Variants in DGKB observed in about 807,000 individuals in gnomAD.
DGKB encodes diacylglycerol kinase beta, also known as 90 kDa diacylglycerol kinase.
Under a neutral mutation model 114.3 loss-of-function variants are expected in DGKB, and 67 were observed. That is an observed-to-expected ratio of 0.59 (90% CI 0.48 to 0.72). The LOEUF (loss-of-function observed/expected upper bound fraction) is 0.72. DGKB is among the 30% of genes least tolerant of loss of function. The probability of loss-of-function intolerance (pLI) is 0.00; values close to 1 mark genes in which losing one functional copy is unlikely to be tolerated. For synonymous variants in DGKB, 398 were observed against 323.1 expected (o/e 1.23, Z -2.49); for missense variants, 907 against 975.2 (o/e 0.93, Z 0.93).
At chr7:14,460,996 G>C (rs918913169) in intron 21 of DGKB, among the ~76,000 whole-genome samples, 1 of 152,172 alleles carries the variant, frequency 6.6e-6, no homozygotes, top group Non-Finnish European at 1.5e-5. Context: ...GATCCTGAAT[G>C]AGTACGGGGT....
At chr7:14,281,184 G>A (rs371948672) in intron 23 of DGKB, among the ~76,000 whole-genome samples, 11 of 151,118 alleles carry the variant, frequency 7.3e-5, no homozygotes, top group Admixed American at 2.6e-4. Context: ...AGCAAATGGA[G>A]AACAAAAACA....
chr7:14,177,272 A>G (rs1450523481), intron 24 of DGKB, among the ~76,000 whole-genome samples: 3 of 152,066 alleles, frequency 2.0e-5, no homozygotes, highest in Admixed American at 6.6e-5. Flanking sequence ...TCTAGCACCA[A>G]CACTTCCAGA....
intron 23 of DGKB, among the ~76,000 whole-genome samples, chr7:14,180,344 A>G (rs1323238082): frequency 1.3e-5 from 2 of 151,954 alleles, no homozygotes; most frequent in Non-Finnish European, 2.9e-5. Context: ...CTACACCCAC[A>G]CCATATTGCT....
At chr7:14,532,487 GATTT>G (rs1230665077) in intron 20 of DGKB, among the ~76,000 whole-genome samples, 1 of 151,280 alleles carries the variant, frequency 6.6e-6, no homozygotes, top group African/African-American at 2.4e-5. Flanking sequence ...AGCTGGAGTG[GATTT>G]ATTAATATAT....
intron 16 of DGKB, among the ~76,000 whole-genome samples, chr7:14,608,979 T>C (rs1354966726): frequency 1.3e-5 from 2 of 152,024 alleles, no homozygotes; most frequent in Non-Finnish European, 2.9e-5. Context: ...GTTAAATGGC[T>C]ATTCTGCCCA....
rs1259651930 is a variant in DGKB, at chr7:14,862,108, A to G, written c.-187-20658T>C. Among the ~76,000 whole-genome samples, 3 of 152,008 alleles carry G rather than the reference A, an allele frequency of 2.0e-5. No individual in the cohort carries two copies. The East Asian group carries it at 5.8e-4, about 29-fold the overall frequency. The stretch of plus-strand genomic sequence containing the variant: ...TAAATTTTTGCTTCCTTAACTATTA[A>G]TGAACTTGAGAATCTTATTTTCTTT... On this transcript the variant is annotated intron_variant, in intron 1 of 25. Coordinates refer to ENST00000402815, the MANE Select transcript of DGKB (RefSeq NM_001350709.2).
chr7:14,519,464 T>C (rs10260522), intron 20 of DGKB, among the ~76,000 whole-genome samples: 65,656 of 151,660 alleles, frequency 0.43, 15,007 homozygotes, highest in East Asian at 0.72. Flanking sequence ...ACAGGTAAAC[T>C]GCATTTTGTT....
chr7:14,233,844 C>T (rs1226753628), intron 23 of DGKB, among the ~76,000 whole-genome samples: 1 of 152,022 alleles, frequency 6.6e-6, no homozygotes, highest in Non-Finnish European at 1.5e-5. Flanking sequence ...CACTCCACAC[C>T]TACTCCCCAG....
chr7:14,862,389 C>G (rs1851112641), intron 1 of DGKB, among the ~76,000 whole-genome samples: 1 of 152,066 alleles, frequency 6.6e-6, no homozygotes, highest in African/African-American at 2.4e-5. Flanking sequence ...ATGCTGTACA[C>G]TACAATAGCT....
chr7:14,737,537 T>C (rs1415112267), intron 4 of DGKB, among the ~76,000 whole-genome samples: 2 of 152,066 alleles, frequency 1.3e-5, no homozygotes, highest in Admixed American at 6.6e-5. Context: ...TCATTAGACA[T>C]AGTAAATTTT....
chr7:14,675,921 C>T (rs565966776), intron 12 of DGKB, among the ~76,000 whole-genome samples: 237 of 151,994 alleles, frequency 1.6e-3, no homozygotes, highest in African/African-American at 4.7e-3. Flanking sequence ...GTTAGGAGTA[C>T]GGATCATTTT....
intron 21 of DGKB, among the ~76,000 whole-genome samples, chr7:14,346,532 TAA>T (rs1812511523): frequency 6.6e-6 from 1 of 151,974 alleles, no homozygotes; most frequent in Non-Finnish European, 1.5e-5. Context: ...AAGGTCAGTA[TAA>T]GTTTCATAGG....
intron 20 of DGKB, among the ~76,000 whole-genome samples, chr7:14,573,398 G>A (rs1012397783): frequency 6.6e-6 from 1 of 151,660 alleles, no homozygotes; most frequent in Non-Finnish European, 1.5e-5. Flanking sequence ...TACCCAGGTA[G>A]CTTACCTCTT....
At chr7:14,459,972 C>T (rs1832833655) in intron 21 of DGKB, among the ~76,000 whole-genome samples, 2 of 152,198 alleles carry the variant, frequency 1.3e-5, no homozygotes, top group South Asian at 2.1e-4. Context: ...GAATTTTCAA[C>T]CCAGAATTCC....
chr7:14,619,012 G>A (rs1158066781), intron 15 of DGKB, among the ~76,000 whole-genome samples: 1 of 151,044 alleles, frequency 6.6e-6, no homozygotes, highest in Non-Finnish European at 1.5e-5. Context: ...TTTTCATTTT[G>A]CATATAATAG....
At chr7:14,372,511 C>T (rs557863693) in intron 21 of DGKB, among the ~76,000 whole-genome samples, 61 of 152,108 alleles carry the variant, frequency 4.0e-4, no homozygotes, top group African/African-American at 1.4e-3. Flanking sequence ...AAGTAGCTGA[C>T]AAGTGAAAGA....
chr7:14,229,964 C>A (rs1305911378), intron 23 of DGKB, among the ~76,000 whole-genome samples: 34 of 151,922 alleles, frequency 2.2e-4, no homozygotes, highest in Non-Finnish European at 1.5e-5. Context: ...ATTTTCCTAT[C>A]TTTGCCAAAA....
chr7:14,335,689 T>G (rs543307424), intron 23 of DGKB, among the ~76,000 whole-genome samples: 2 of 152,232 alleles, frequency 1.3e-5, no homozygotes, highest in Admixed American at 6.5e-5. Context: ...GAATTTGAAA[T>G]ATATATAAAT....
intron 23 of DGKB, among the ~76,000 whole-genome samples, chr7:14,288,057 G>T (rs534441506): frequency 6.6e-6 from 1 of 152,020 alleles, no homozygotes; most frequent in Non-Finnish European, 1.5e-5. Context: ...TTCTTGAGAT[G>T]CTTATGGTTC....
Sources: gnomAD v4.1 joint callset for allele counts (sites outside exome capture counted in the v4.1 genomes callset) on GRCh38, gnomAD v4.1.1 for gene constraint, MANE v1.5 for transcripts, NCBI Gene and HGNC (gene_info 2026-07-23, HGNC 2026-07-21) for gene names.